Variants in PCDHA6 observed in about 807,000 individuals in gnomAD.
The protein encoded by PCDHA6 is protocadherin alpha-6.
In PCDHA6, 55 loss-of-function variants were observed where a neutral mutation model predicts 60.3. The ratio of observed to expected loss-of-function variants is 0.91; its 90% CI spans 0.73 to 1.14. The LOEUF is 1.14. Among genes scored for constraint, PCDHA6 ranks in the 50% most tolerant of loss-of-function variants. The probability of loss-of-function intolerance (pLI) is 0.00; values close to 1 mark genes in which losing one functional copy is unlikely to be tolerated. For missense variants in PCDHA6, 1,327 were observed against 1,256.5 expected (o/e 1.06, Z -0.85); for synonymous variants, 652 against 557.9 (o/e 1.17, Z -2.38).
intron 1 of PCDHA6, chr5:140,967,813 C>T (rs12153295): frequency 0.14 from 229,585 of 1,614,060 alleles, 17,281 homozygotes; most frequent in Middle Eastern, 0.18. Context: ...CAGGTCACTG[C>T]AAGGTGCTGG....
rs965761415 is a variant in PCDHA6, at chr5:140,845,214, T to C, written c.2394+14729T>C. 9.4e-5 allele frequency among the ~76,000 whole-genome samples: 14 copies of C among 149,518 alleles called. 1 individual carries two copies. The highest frequency in any genetic ancestry group is 1.3e-4 in the Non-Finnish European group (9 of 66,830). On this transcript the variant is annotated intron_variant, in intron 1 of 3. Coordinates refer to ENST00000529310, the MANE Select transcript of PCDHA6 (RefSeq NM_018909.4). ...ATGATTGTTTTCATTTAAGTCCTTT[T>C]AAAAAATATGATTATCTTTATTATC... is the stretch of plus-strand genomic sequence containing the variant.
intron 1 of PCDHA6, chr5:140,836,205 T>C (rs1774283455): frequency 1.2e-6 from 2 of 1,613,668 alleles, no homozygotes; most frequent in African/African-American, 2.7e-5. Flanking sequence ...CGCGTGGCTT[T>C]CGTATGAGTT....
intron 1 of PCDHA6, chr5:140,927,810 G>A: frequency 2.5e-6 from 4 of 1,614,200 alleles, no homozygotes; most frequent in Non-Finnish European, 3.4e-6. Flanking sequence ...AAACGCTCTT[G>A]GAGGCATACA....
chr5:140,957,541 A>C (rs2153713960), intron 1 of PCDHA6, among the ~76,000 whole-genome samples: 1 of 152,298 alleles, frequency 6.6e-6, no homozygotes, highest in South Asian at 2.1e-4. Flanking sequence ...GATCTTAGAA[A>C]GTATTCTCTG....
intron 1 of PCDHA6, among the ~76,000 whole-genome samples, chr5:140,952,671 A>C (rs1429468287): frequency 6.6e-6 from 1 of 152,176 alleles, no homozygotes; most frequent in Admixed American, 6.5e-5. Context: ...AGTCACTTTC[A>C]CATTTTCAGG....
intron 1 of PCDHA6, among the ~76,000 whole-genome samples, chr5:140,909,996 T>C (rs549464312): frequency 1.3e-5 from 2 of 152,192 alleles, no homozygotes; most frequent in African/African-American, 4.8e-5. Context: ...ACAGCATAAA[T>C]TGTTGTCAGT....
chr5:140,842,273 A>G, intron 1 of PCDHA6: 1 of 1,610,790 alleles, frequency 6.2e-7, no homozygotes, highest in Non-Finnish European at 8.5e-7. Flanking sequence ...CTTATACAAA[A>G]TCCTCATTGA....
intron 3 of PCDHA6, among the ~76,000 whole-genome samples, chr5:140,984,647 G>C (rs1169327185): frequency 6.6e-6 from 1 of 152,102 alleles, no homozygotes; most frequent in Non-Finnish European, 1.5e-5. Flanking sequence ...CCTTCTCCCT[G>C]TCCTTCTGGT....
intron 3 of PCDHA6, among the ~76,000 whole-genome samples, chr5:140,988,057 C>G (rs557714672): frequency 2.0e-4 from 30 of 152,188 alleles, no homozygotes; most frequent in Non-Finnish European, 3.7e-4. Context: ...GCACTGTCAA[C>G]ATGAATTTTT....
chr5:140,992,789 T>G (rs2097528439), intron 3 of PCDHA6, among the ~76,000 whole-genome samples: 1 of 152,148 alleles, frequency 6.6e-6, no homozygotes, highest in Admixed American at 6.5e-5. Flanking sequence ...AGGGTCAATT[T>G]TATGGATCCA....
rs2150351247 is a variant in PCDHA6, at chr5:140,843,055, C to T, written c.2394+12570C>T. The stretch of plus-strand genomic sequence containing the variant: ...TGGGTGGCACTGGTGGCGCAGCGAG[C>T]AAGCTGGTGCCGCGGTCTGTGGGCG... On this transcript the variant is annotated intron_variant, in intron 1 of 3. Coordinates refer to ENST00000529310, the MANE Select transcript of PCDHA6 (RefSeq NM_018909.4). 5 of 1,595,064 alleles carry T rather than the reference C, an allele frequency of 3.1e-6. 1 individual carries two copies. Among genetic ancestry groups the T allele is most frequent in the Non-Finnish European group, 4.3e-6 (5 of 1,165,218 alleles).
intron 1 of PCDHA6, among the ~76,000 whole-genome samples, chr5:140,846,000 GA>G (rs1346490644): frequency 1.3e-5 from 2 of 149,558 alleles, no homozygotes; most frequent in African/African-American, 2.4e-5. Context: ...GTGGTGGAAT[GA>G]AAAAAATCTA....
At chr5:140,835,695 A>G (rs2150242144) in intron 1 of PCDHA6, 2 of 1,613,712 alleles carry the variant, frequency 1.2e-6, no homozygotes, top group South Asian at 2.2e-5. Context: ...TCTGTGGGCC[A>G]CTGCTAGCGT....
At position 140,857,834 on chromosome 5, in the gene PCDHA6, G is replaced by A; in HGVS notation, c.2394+27349G>A. 1.9e-6 allele frequency: 3 copies of A among 1,597,844 alleles called. 1 individual carries two copies. The highest frequency in any genetic ancestry group is 1.7e-6 in the Non-Finnish European group (2 of 1,167,630). The stretch of plus-strand genomic sequence containing the variant: ...TCACGTGGTGGCTAAGGTGCGCGCA[G>A]TGGACGCTGACTCTGGATACAACGC... On this transcript the variant is annotated intron_variant, in intron 1 of 3. Transcript: ENST00000529310.
intron 3 of PCDHA6, among the ~76,000 whole-genome samples, chr5:141,008,809 C>A (rs1397377778): frequency 6.6e-6 from 1 of 152,160 alleles, no homozygotes; most frequent in African/African-American, 2.4e-5. Flanking sequence ...CAAATAGGCT[C>A]AATTTACAAC....
chr5:140,830,269 A>T lies in PCDHA6; in HGVS notation c.2178A>T (p.Pro726=). 3.7e-6 allele frequency: 6 copies of T among 1,613,514 alleles called. No individual in the cohort carries two copies. Among genetic ancestry groups the T allele is most frequent in the Non-Finnish European group, 5.1e-6 (6 of 1,179,606 alleles). Residue 726 remains proline (P), a synonymous_variant, in exon 1 of 4, where the codon CCA becomes CCT. Coordinates refer to ENST00000529310, the MANE Select transcript of PCDHA6 (RefSeq NM_018909.4). The part of the protein sequence containing the change: ...LLYTALRCSA[P]PTEGACTADK... ...ACACAGCGCTGCGGTGCTCGGCGCC[A>T]CCCACCGAGGGCGCGTGCACGGCGG...
intron 1 of PCDHA6, chr5:140,851,769 T>C: frequency 1.0e-6 from 1 of 967,128 alleles, no homozygotes; most frequent in Non-Finnish European, 1.2e-6. Flanking sequence ...ATTACCCTTA[T>C]GAATTTAGAT....
rs781886107 is a variant in PCDHA6 at position 140,870,037 on chromosome 5, A to G, written c.2394+39552A>G. 6.2e-7 allele frequency: 1 copy of G among 1,613,778 alleles called. No individual in the cohort carries two copies. The highest frequency in any genetic ancestry group is 1.7e-5 in the Admixed American group (1 of 60,026). On this transcript the variant is annotated intron_variant, in intron 1 of 3. Coordinates refer to ENST00000529310, the MANE Select transcript of PCDHA6 (RefSeq NM_018909.4). ...CAATGGAACTTTAGATTATGAAGAA[A>G]ACAAGTTTTATAAAATTGAAGTACA... is the stretch of plus-strand genomic sequence containing the variant.
Position 140,979,012 on chromosome 5 carries a change from G to A in PCDHA6, c.2453+5G>A, listed in dbSNP as rs2096831231. The A allele has an allele frequency of 1.9e-6, 3 of 1,613,794 alleles. No individual in the cohort carries two copies. Among genetic ancestry groups the A allele is most frequent in the African/African-American group, 2.7e-5 (2 of 74,926 alleles). ...CCTGAGAGCAGGCATGCACAGGTAT[G>A]TATTTCCCTCCTCATTCACTCAGAA... On this transcript the variant is annotated splice_donor_5th_base_variant and intron_variant, in intron 2 of 3. Coordinates refer to ENST00000529310, the MANE Select transcript of PCDHA6 (RefSeq NM_018909.4).
Sources: gnomAD v4.1 joint callset for allele counts (sites outside exome capture counted in the v4.1 genomes callset) on GRCh38, gnomAD v4.1.1 for gene constraint, MANE v1.5 for transcripts, NCBI Gene and HGNC (gene_info 2026-07-23, HGNC 2026-07-21) for gene names.